LSAMP: variants seen among roughly 807,000 people sequenced by gnomAD.
LSAMP encodes limbic system associated membrane protein.
LSAMP carries 7 observed loss-of-function variants against 38.6 expected under a neutral mutation model. That is an observed-to-expected ratio of 0.18 (90% confidence interval 0.10 to 0.34). The LOEUF (loss-of-function observed/expected upper bound fraction) is 0.34, where lower values mean the gene tolerates loss of function less well. Ranked by LOEUF, LSAMP falls within the 10% of genes least tolerant of loss-of-function variation. The pLI is 1.00. For missense variants in LSAMP, 313 were observed against 420.0 expected (o/e 0.75, Z 2.23); for synonymous variants, 154 against 166.8 (o/e 0.92, Z 0.59).
At chr3:116,399,572 G>T (rs2048811899) in intron 1 of LSAMP, among the ~76,000 whole-genome samples, 1 of 152,202 alleles carries the variant, frequency 6.6e-6, no homozygotes, top group Middle Eastern at 3.2e-3. Context: ...GCAATATAGA[G>T]AAATTTCTGT....
In LSAMP at chr3:116,255,219, A is replaced by G. The variant is rs192433383; in HGVS notation, c.156-168663T>C. ...GACTTGAGAATTACTGAATCAAAAAAGAACTCAACAACTGAGTGCACTACT... is the reference window on the plus strand; with the variant it reads ...GACTTGAGAATTACTGAATCAAAAAGGAACTCAACAACTGAGTGCACTACT... On this transcript the variant is annotated intron_variant, in intron 1 of 6. Transcript: ENST00000490035. Among the ~76,000 whole-genome samples the G allele has an allele frequency of 1.5e-4, 23 of 152,320 alleles. 1 individual carries two copies. In the East Asian group the frequency reaches 4.3e-3, roughly 28 times the overall value.
chr3:116,174,905 C>A (rs1041415803), intron 1 of LSAMP, among the ~76,000 whole-genome samples: 2 of 152,132 alleles, frequency 1.3e-5, no homozygotes, highest in African/African-American at 4.8e-5. Flanking sequence ...CCCTTTGCTT[C>A]AGTTCATTTC....
At chr3:115,939,578 T>TTC (rs1937836064) in intron 3 of LSAMP, among the ~76,000 whole-genome samples, 3 of 148,328 alleles carry the variant, frequency 2.0e-5, no homozygotes, top group East Asian at 2.0e-4. Flanking sequence ...CTTTCTTTCT[T>TTC]TCTTTCTGTT....
In LSAMP at chr3:116,086,430, G is replaced by A; in HGVS notation, c.282C>T (p.Tyr94=). 1.2e-6 allele frequency: 2 copies of A among 1,614,044 alleles called. No individual in the cohort carries two copies. The highest frequency in any genetic ancestry group is 1.7e-6 in the Non-Finnish European group (2 of 1,179,936). The change falls in exon 2 of 7, where the codon TAC becomes TAT. Residue 94 remains tyrosine, a synonymous_variant. Coordinates refer to ENST00000490035, the MANE Select transcript of LSAMP (RefSeq NM_002338.5). The part of the protein sequence containing the change: ...VELEKRHSLE[Y]SLRIQKVDVY... ...CATCCACCTTCTGGATTCGGAGGCTGTATTCCAGAGAATGGCGTTTCTCCA... is the reference window on the plus strand; with the variant it reads ...CATCCACCTTCTGGATTCGGAGGCTATATTCCAGAGAATGGCGTTTCTCCA...
intron 3 of LSAMP, among the ~76,000 whole-genome samples, chr3:115,893,725 T>G (rs1007736715): frequency 7.1e-6 from 1 of 140,542 alleles, no homozygotes; most frequent in African/African-American, 3.3e-5. Context: ...ATCAGGCAAT[T>G]AATTCATAAA....
At chr3:116,020,301 CACT>C (rs374495774) in intron 2 of LSAMP, among the ~76,000 whole-genome samples, 308 of 152,266 alleles carry the variant, frequency 2.0e-3, no homozygotes, top group African/African-American at 7.3e-3. Context: ...CTTCCAACAC[CACT>C]ACTACTAACA....
At chr3:116,356,362 A>G (rs1041764147) in intron 1 of LSAMP, among the ~76,000 whole-genome samples, 1 of 152,232 alleles carries the variant, frequency 6.6e-6, no homozygotes, top group Non-Finnish European at 1.5e-5. Context: ...CATTTGTGGG[A>G]ATTAAAAATT....
chr3:116,083,900 A>G (rs914422980), intron 2 of LSAMP, among the ~76,000 whole-genome samples: 1 of 152,160 alleles, frequency 6.6e-6, no homozygotes, highest in Non-Finnish European at 1.5e-5. Context: ...CTTGAGATCA[A>G]ATTATCTAAT....
chr3:115,915,139 G>A (rs16824265), intron 3 of LSAMP, among the ~76,000 whole-genome samples: 19,334 of 152,172 alleles, frequency 0.13, 1,411 homozygotes, highest in East Asian at 0.2. Context: ...GGGGCACCTG[G>A]GATTTGCTGC....
intron 1 of LSAMP, among the ~76,000 whole-genome samples, chr3:116,309,621 A>T (rs1377054151): frequency 6.6e-6 from 1 of 152,128 alleles, no homozygotes; most frequent in Non-Finnish European, 1.5e-5. Flanking sequence ...TTCTTAGCCA[A>T]ATTAATGCTT....
chr3:115,839,190 C>T (rs545741080), intron 6 of LSAMP, among the ~76,000 whole-genome samples: 2 of 152,268 alleles, frequency 1.3e-5, no homozygotes, highest in Admixed American at 6.5e-5. Flanking sequence ...TTGACCCACA[C>T]GTGTACTGTT....
chr3:116,319,061 T>G (rs2047672387), intron 1 of LSAMP, among the ~76,000 whole-genome samples: 1 of 151,934 alleles, frequency 6.6e-6, no homozygotes, highest in Admixed American at 6.6e-5. Context: ...TGGGGATTAC[T>G]GGGAGAAGTA....
chr3:116,442,333 T>C (rs1004352267), intron 1 of LSAMP, among the ~76,000 whole-genome samples: 2 of 152,040 alleles, frequency 1.3e-5, no homozygotes, highest in African/African-American at 2.4e-5. Context: ...AAGAGAATTA[T>C]TTTTTTCTCC....
intron 1 of LSAMP, among the ~76,000 whole-genome samples, chr3:116,235,095 T>G (rs1001776227): frequency 2.0e-5 from 3 of 152,086 alleles, no homozygotes; most frequent in African/African-American, 7.2e-5. Context: ...AGACTGAGAC[T>G]CAAGTAAGTC....
intron 1 of LSAMP, among the ~76,000 whole-genome samples, chr3:116,198,541 T>G (rs9854764): frequency 0.8 from 122,042 of 151,640 alleles, 49,794 homozygotes; most frequent in East Asian, 0.91. Context: ...AGGCCGAGGC[T>G]GGCGGATCAC....
At chr3:116,420,442 T>C (rs1011368710) in intron 1 of LSAMP, among the ~76,000 whole-genome samples, 2 of 152,156 alleles carry the variant, frequency 1.3e-5, no homozygotes, top group African/African-American at 4.8e-5. Flanking sequence ...CTATATCTTA[T>C]ACATCTTTTG....
chr3:115,999,215 C>T (rs553303963), intron 3 of LSAMP, among the ~76,000 whole-genome samples: 1 of 152,112 alleles, frequency 6.6e-6, no homozygotes, highest in Non-Finnish European at 1.5e-5. Context: ...AGGAATCTTC[C>T]GAATCACAAG....
chr3:116,001,548 G>T (rs1456228962), intron 3 of LSAMP, among the ~76,000 whole-genome samples: 1 of 152,164 alleles, frequency 6.6e-6, no homozygotes, highest in African/African-American at 2.4e-5. Flanking sequence ...GAGGTGAGAA[G>T]TCCAAAATGG....
intron 4 of LSAMP, among the ~76,000 whole-genome samples, chr3:115,846,630 G>A (rs1935168928): frequency 6.6e-6 from 1 of 152,132 alleles, no homozygotes; most frequent in African/African-American, 2.4e-5. Context: ...AATTCACATG[G>A]TCAGTACTTG....
Sources: allele counts gnomAD v4.1 joint callset (sites outside exome capture counted in the v4.1 genomes callset), GRCh38; gene constraint gnomAD v4.1.1; transcripts MANE v1.5; gene names NCBI Gene and HGNC (gene_info 2026-07-23, HGNC 2026-07-21).